The following SPTA1 variants were observed in gnomAD, a reference collection of about 807,000 sequenced individuals.
The protein encoded by SPTA1 is spectrin alpha chain, erythrocytic 1.
In SPTA1, 177 loss-of-function variants were observed where a neutral mutation model predicts 324.7. The observed-to-expected ratio is 0.55, with a 90% CI of 0.48 to 0.62. The LOEUF is 0.62. Among genes scored for constraint, SPTA1 ranks in the 20% least tolerant of loss-of-function variants. The pLI is 0.00. For missense variants in SPTA1, 3,162 were observed against 2,883.6 expected (o/e 1.10, Z -2.21); for synonymous variants, 1,195 against 1,041.3 (o/e 1.15, Z -2.84).
intron 2 of SPTA1, 73 bp downstream of exon 2, chr1:158,685,035 C>T: frequency 6.3e-7 from 1 of 1,585,492 alleles, no homozygotes; most frequent in South Asian, 1.1e-5. Context: ...TTAACATTAA[C>T]ATAAAGAAAA....
intron 24 of SPTA1, 26 bp from the exon 25 acceptor site, chr1:158,649,973 T>C (rs1180753203): frequency 6.5e-7 from 1 of 1,543,542 alleles, no homozygotes; most frequent in Non-Finnish European, 8.9e-7. Flanking sequence ...ACATCAGACT[T>C]GAGACAGAGA....
chr1:158,613,989 A>C (rs916190629), intron 49 of SPTA1, 122 bp from the exon 50 acceptor site: 11 of 1,126,694 alleles, frequency 9.8e-6, no homozygotes, highest in African/African-American at 1.6e-5. Context: ...AAACTATCAG[A>C]GGACTGAATA....
At chr1:158,616,506 T>C (rs1399012677) in intron 47 of SPTA1, among the ~76,000 whole-genome samples, 1 of 152,224 alleles carries the variant, frequency 6.6e-6, no homozygotes, top group East Asian at 1.9e-4. Flanking sequence ...CATGCAATAT[T>C]TGTCTTACTG....
In SPTA1 at chr1:158,657,483, T is replaced by G. The variant is rs1652909901; in HGVS notation, c.2799A>C (p.Ala933=). 5 of 1,114,352 alleles carry G rather than the reference T, an allele frequency of 4.5e-6. No homozygotes were observed. The highest frequency in any genetic ancestry group is 2.5e-5 in the South Asian group (2 of 81,496). The allele number at this position is 1,114,352 out of a possible 1,614,324, so 69.0% of individuals were successfully genotyped here. A position where few individuals can be genotyped will look rare whatever the true frequency, so the allele number is the denominator to read the frequency against. The change falls in exon 19 of 52, where the codon GCA becomes GCC. Residue 933 remains alanine (A), a synonymous_variant. Transcript: ENST00000643759. The part of the protein sequence containing the change: ...DNTNYGADEE[A]AGALLKKHEA... The stretch of plus-strand genomic sequence containing the variant: ...AAACCCACCCCCACCTTACCCCAGC[T>G]GCTTCTTCATCAGCACCATAGTTAG...
intron 41 of SPTA1, among the ~76,000 whole-genome samples, chr1:158,626,522 A>G (rs887639822): frequency 3.3e-5 from 5 of 152,218 alleles, no homozygotes; most frequent in African/African-American, 1.2e-4. Flanking sequence ...ATTGTTTCTT[A>G]GAACATTTTG....
At position 158,619,548 on chromosome 1, in the gene SPTA1, G is replaced by T. The variant is rs566687152; in HGVS notation, c.6418-214C>A. 2.0e-5 allele frequency among the ~76,000 whole-genome samples: 3 copies of T among 152,054 alleles called. No homozygotes were observed. The South Asian group carries it at 6.2e-4, about 32-fold the overall frequency. ...GTGTATTTCCCAAGAGTACTTGCAGGGTCCTCTAAGACCAAGTCCCGTAAC... is the reference window on the plus strand; with the variant it reads ...GTGTATTTCCCAAGAGTACTTGCAGTGTCCTCTAAGACCAAGTCCCGTAAC... On this transcript the variant is annotated intron_variant, in intron 44 of 51. Transcript: ENST00000643759.
At chr1:158,658,601 AC>A (rs1325053390) in intron 18 of SPTA1, among the ~76,000 whole-genome samples, 4 of 152,046 alleles carry the variant, frequency 2.6e-5, no homozygotes, top group South Asian at 2.1e-4. Flanking sequence ...CCCCTAATAA[AC>A]CCTGCCCCAG....
intron 39 of SPTA1, among the ~76,000 whole-genome samples, chr1:158,634,105 AT>A (rs1411477052): frequency 6.6e-6 from 1 of 152,212 alleles, no homozygotes; most frequent in Non-Finnish European, 1.5e-5. Flanking sequence ...TTGTGGAACT[AT>A]TTTGTCCAGT....
intron 43 of SPTA1, chr1:158,620,885 A>G: frequency 5.8e-6 from 1 of 171,572 alleles, no homozygotes; most frequent in Non-Finnish European, 1.2e-5. Flanking sequence ...GGATGAAATA[A>G]TGATTGAATA....
intron 33 of SPTA1, among the ~76,000 whole-genome samples, chr1:158,640,919 C>T (rs1200543692): frequency 1.3e-5 from 2 of 152,156 alleles, no homozygotes; most frequent in African/African-American, 4.8e-5. Flanking sequence ...TACTACAAGG[C>T]TACAGTAACC....
chr1:158,634,439 T>G, intron 39 of SPTA1, 104 bp downstream of exon 39: 1 of 1,504,798 alleles, frequency 6.6e-7, no homozygotes, highest in Non-Finnish European at 9.2e-7. Flanking sequence ...CTTCATCTTC[T>G]TTCACCAGAA....
chr1:158,615,392 CT>C lies in SPTA1; in HGVS notation c.6611del (p.Lys2204ArgfsTer6). On this transcript the variant is annotated frameshift_variant, in exon 48 of 52. Coordinates refer to ENST00000643759, the MANE Select transcript of SPTA1 (RefSeq NM_003126.4). LOFTEE classifies it high-confidence loss of function. ...SQLEANKRKQ[K>X]EIQAMKRQLT... ...GTTGACGCTTCATCGCCTGGATCTCCTTCTGTTTTCTCTGGAAAAACGACAG... is the reference window on the plus strand; with the variant it reads ...GTTGACGCTTCATCGCCTGGATCTCCTCTGTTTTCTCTGGAAAAACGACAG... 6.2e-7 allele frequency: 1 copy of C among 1,614,024 alleles called. No individual in the cohort carries two copies. The highest frequency in any genetic ancestry group is 8.5e-7 in the Non-Finnish European group (1 of 1,179,982).
At chr1:158,669,674 G>A in intron 13 of SPTA1, 35 bp downstream of exon 13, 11 of 1,613,940 alleles carry the variant, frequency 6.8e-6, no homozygotes, top group Non-Finnish European at 9.3e-6. Flanking sequence ...ATTCTAGTGT[G>A]TAGGCACACA....
rs149408398 is a variant in SPTA1 at position 158,657,147 on chromosome 1, C to G, written c.2805+330G>C. On this transcript the variant is annotated intron_variant, in intron 19 of 51. Coordinates refer to ENST00000643759, the MANE Select transcript of SPTA1 (RefSeq NM_003126.4). The stretch of plus-strand genomic sequence containing the variant: ...AATCAAGTAATTAAGGTGTCTCTAT[C>G]TTAAAACCATGATTAATTTATAAAT... Among the ~76,000 whole-genome samples the G allele has an allele frequency of 1.6e-3, 247 of 152,274 alleles. 2 individuals carry two copies. In the South Asian group the frequency reaches 0.026, roughly 16 times the overall value.
chr1:158,661,824 T>G (rs75176360), intron 17 of SPTA1, among the ~76,000 whole-genome samples: 2,282 of 152,340 alleles, frequency 0.015, 52 homozygotes, highest in African/African-American at 0.052. Context: ...TTTCTCATCA[T>G]GAAAAAGGCA....
At chr1:158,665,901 A>G (rs968870182) in intron 16 of SPTA1, among the ~76,000 whole-genome samples, 2 of 152,148 alleles carry the variant, frequency 1.3e-5, no homozygotes, top group African/African-American at 4.8e-5. Flanking sequence ...AGATCACATA[A>G]CTAGTAAGCC....
intron 36 of SPTA1, among the ~76,000 whole-genome samples, chr1:158,637,443 C>T (rs1471585026): frequency 6.6e-6 from 1 of 152,166 alleles, no homozygotes; most frequent in Admixed American, 6.5e-5. Flanking sequence ...GTGTAATGTG[C>T]TAAGATTTTC....
At position 158,627,685 on chromosome 1, in the gene SPTA1, A is replaced by G. The variant is rs1487763724; in HGVS notation, c.5604T>C (p.Phe1868=). The change falls in exon 40 of 52, where the codon TTT becomes TTC. Residue 1868 remains phenylalanine (F), a synonymous_variant. Transcript: ENST00000643759. The stretch of plus-strand genomic sequence containing the variant: ...TTTGTACTCGGGTCTCATGGACAGC[A>G]AAGTCATTTTCCAAAGCTTCATGCT... ...LMKHEALEND[F]AVHETRVQNV... is the part of the protein sequence containing the mutation. 1.2e-6 allele frequency: 2 copies of G among 1,613,316 alleles called. No homozygotes were observed. The highest frequency in any genetic ancestry group is 3.3e-5 in the Admixed American group (2 of 60,012).
chr1:158,683,862 G>GT (rs772553163), intron 2 of SPTA1, among the ~76,000 whole-genome samples: 92 of 151,386 alleles, frequency 6.1e-4, no homozygotes, highest in African/African-American at 1.5e-3. Flanking sequence ...AAAATTGAGA[G>GT]TTTTTTTTGC....
Sources: allele counts gnomAD v4.1 joint callset (sites outside exome capture counted in the v4.1 genomes callset), GRCh38; gene constraint gnomAD v4.1.1; transcripts MANE v1.5; gene names NCBI Gene and HGNC (gene_info 2026-07-23, HGNC 2026-07-21).